The following CNTNAP5 variants were observed in gnomAD, a reference collection of about 807,000 sequenced individuals.
CNTNAP5 encodes contactin-associated protein-like 5.
In CNTNAP5, 72 loss-of-function variants were observed where a neutral mutation model predicts 150.2. That is an observed-to-expected ratio of 0.48 (90% confidence interval 0.40 to 0.58). CNTNAP5 has a LOEUF of 0.58. Among genes scored for constraint, CNTNAP5 ranks in the 20% least tolerant of loss-of-function variants. The probability of loss-of-function intolerance (pLI) is 0.00; values close to 1 mark genes in which losing one functional copy is unlikely to be tolerated. For missense variants in CNTNAP5, 1,636 were observed against 1,626.2 expected (o/e 1.01, Z -0.10); for synonymous variants, 672 against 619.8 (o/e 1.08, Z -1.25).
intron 1 of CNTNAP5, among the ~76,000 whole-genome samples, chr2:124,040,206 T>G (rs1681328602): frequency 1.3e-5 from 2 of 152,184 alleles, no homozygotes; most frequent in South Asian, 4.1e-4. Context: ...TTTTTATACC[T>G]CTTTCACATG....
rs78786971 is a variant in CNTNAP5, at chr2:124,205,105, G to A, written c.83-16600G>A. ...CCAATCCTAAGTTGGAAACTGGTAC[G>A]GTGTGACCGTGTCCCCACCCAAATA... On this transcript the variant is annotated intron_variant, in intron 1 of 23. Transcript: ENST00000682447. Among the ~76,000 whole-genome samples the A allele has an allele frequency of 3.8e-3, 579 of 152,226 alleles. 5 individuals carry two copies. Among genetic ancestry groups the A allele is most frequent in the African/African-American group, 0.013 (559 of 41,544 alleles).
intron 7 of CNTNAP5, among the ~76,000 whole-genome samples, chr2:124,484,862 C>A (rs1187796436): frequency 6.6e-6 from 1 of 152,152 alleles, no homozygotes; most frequent in Non-Finnish European, 1.5e-5. Context: ...CAGACAGCAG[C>A]CCAAGAACTC....
chr2:124,516,464 A>G (rs1271249759), intron 8 of CNTNAP5, among the ~76,000 whole-genome samples: 1 of 152,238 alleles, frequency 6.6e-6, no homozygotes, highest in East Asian at 1.9e-4. Flanking sequence ...CATTTTACAG[A>G]TGATGTAATA....
At position 124,384,286 on chromosome 2, in the gene CNTNAP5, A is replaced by G. The variant is rs569833341; in HGVS notation, c.382-33157A>G. Among the ~76,000 whole-genome samples, 425 of 152,298 alleles carry G rather than the reference A, an allele frequency of 2.8e-3. 1 individual carries two copies. The highest frequency in any genetic ancestry group is 3.4e-3 in the Non-Finnish European group (228 of 68,022). ...CCAGTTCACACGGTCACATTGCACA[A>G]CATTTTTCCTATGCATAAAATGTAT... On this transcript the variant is annotated intron_variant, in intron 3 of 23. Coordinates refer to ENST00000682447, the MANE Select transcript of CNTNAP5 (RefSeq NM_001367498.1).
At chr2:124,625,852 T>C (rs1677710220) in intron 12 of CNTNAP5, among the ~76,000 whole-genome samples, 1 of 152,200 alleles carries the variant, frequency 6.6e-6, no homozygotes, top group Middle Eastern at 3.2e-3. Context: ...CATCCATCTC[T>C]TACAGCAATT....
intron 3 of CNTNAP5, among the ~76,000 whole-genome samples, chr2:124,262,934 A>G (rs1358624540): frequency 6.6e-6 from 1 of 151,744 alleles, no homozygotes; most frequent in Non-Finnish European, 1.5e-5. Context: ...TTTGCTGAGA[A>G]TGATGGTTTC....
At chr2:124,791,287 A>G (rs572188535) in intron 18 of CNTNAP5, among the ~76,000 whole-genome samples, 1 of 152,342 alleles carries the variant, frequency 6.6e-6, no homozygotes. Context: ...TGAATTACTT[A>G]CTTATTATTC....
chr2:124,353,495 T>C (rs2104704591), intron 3 of CNTNAP5, among the ~76,000 whole-genome samples: 1 of 152,216 alleles, frequency 6.6e-6, no homozygotes, highest in Admixed American at 6.5e-5. Context: ...GGAAGTAGCA[T>C]GCTCTTGGGT....
chr2:124,794,336 G>A (rs1469563902), intron 18 of CNTNAP5, among the ~76,000 whole-genome samples: 1 of 152,182 alleles, frequency 6.6e-6, no homozygotes, highest in Non-Finnish European at 1.5e-5. Flanking sequence ...GATGTGGGAA[G>A]CGCAGGACTC....
chr2:124,774,632 T>C, intron 17 of CNTNAP5, among the ~76,000 whole-genome samples: 1 of 152,170 alleles, frequency 6.6e-6, no homozygotes, highest in East Asian at 1.9e-4. Context: ...CTGAGGAAGG[T>C]TGCTAGTCAT....
At chr2:124,533,821 T>G (rs894126412) in intron 10 of CNTNAP5, among the ~76,000 whole-genome samples, 2 of 152,196 alleles carry the variant, frequency 1.3e-5, no homozygotes, top group Non-Finnish European at 2.9e-5. Context: ...GTATTTCGGC[T>G]GGAGGAAAGT....
At chr2:124,865,720 C>T (rs1447990339) in intron 20 of CNTNAP5, among the ~76,000 whole-genome samples, 1 of 152,092 alleles carries the variant, frequency 6.6e-6, no homozygotes, top group African/African-American at 2.4e-5. Flanking sequence ...CTGAGGCGGG[C>T]AGATCAAGAG....
At chr2:124,435,817 A>T (rs7598167) in intron 5 of CNTNAP5, among the ~76,000 whole-genome samples, 2 of 152,042 alleles carry the variant, frequency 1.3e-5, no homozygotes, top group East Asian at 3.9e-4. Context: ...TTGGAGCCCC[A>T]TGGTGACTAT....
chr2:124,129,630 T>A (rs535516886), intron 1 of CNTNAP5, among the ~76,000 whole-genome samples: 7 of 152,284 alleles, frequency 4.6e-5, no homozygotes, highest in Admixed American at 2.6e-4. Flanking sequence ...CTGTTAAAGA[T>A]GGTATTAAAT....
chr2:124,186,596 C>T (rs1027887441), intron 1 of CNTNAP5, among the ~76,000 whole-genome samples: 2 of 152,128 alleles, frequency 1.3e-5, no homozygotes, highest in South Asian at 4.1e-4. Flanking sequence ...TTTAGTTAAA[C>T]TCATCATCAA....
At chr2:124,055,005 G>C (rs1488608055) in intron 1 of CNTNAP5, among the ~76,000 whole-genome samples, 2 of 152,110 alleles carry the variant, frequency 1.3e-5, no homozygotes, top group Non-Finnish European at 2.9e-5. Flanking sequence ...GGGAGTCTGG[G>C]CTCTCACCCC....
At chr2:124,115,792 T>TTG (rs5834038) in intron 1 of CNTNAP5, among the ~76,000 whole-genome samples, 5,882 of 138,234 alleles carry the variant, frequency 0.043, 236 homozygotes, top group African/African-American at 0.11. Context: ...GCCTGGCTAA[T>TTG]TGTGTGTGTG....
chr2:124,285,383 A>G (rs938921009), intron 3 of CNTNAP5, among the ~76,000 whole-genome samples: 1 of 152,180 alleles, frequency 6.6e-6, no homozygotes, highest in African/African-American at 2.4e-5. Flanking sequence ...TATGTAATGC[A>G]TACATTAAAC....
chr2:124,398,556 G>A (rs1248690033), intron 3 of CNTNAP5, among the ~76,000 whole-genome samples: 1 of 151,874 alleles, frequency 6.6e-6, no homozygotes, highest in Admixed American at 6.6e-5. Context: ...GAGTACAATG[G>A]CCTGATCTTG....
Sources: allele counts gnomAD v4.1 joint callset (sites outside exome capture counted in the v4.1 genomes callset), GRCh38; gene constraint gnomAD v4.1.1; transcripts MANE v1.5; gene names NCBI Gene and HGNC (gene_info 2026-07-23, HGNC 2026-07-21).